Variants in SUCLG2 observed in about 807,000 individuals in gnomAD.
The protein encoded by SUCLG2 is succinate--CoA ligase [GDP-forming] subunit beta, mitochondrial.
SUCLG2 carries 42 observed loss-of-function variants against 47.9 expected under a neutral mutation model. The observed-to-expected ratio is 0.88, with a 90% CI of 0.69 to 1.14. The LOEUF is 1.14. SUCLG2 is among the 50% of genes most tolerant of loss of function. The probability of loss-of-function intolerance (pLI) is 0.00; values close to 1 mark genes in which losing one functional copy is unlikely to be tolerated. For missense variants in SUCLG2, 571 were observed against 525.9 expected (o/e 1.09, Z -0.84); for synonymous variants, 195 against 197.3 (o/e 0.99, Z 0.10).
At chr3:67,562,891 G>GT (rs1386890528) in intron 2 of SUCLG2, among the ~76,000 whole-genome samples, 1 of 151,866 alleles carries the variant, frequency 6.6e-6, no homozygotes, top group Non-Finnish European at 1.5e-5. Flanking sequence ...AGTGAACTGT[G>GT]TATGTATGTA....
rs1414404360 is a variant in SUCLG2, at chr3:67,498,377, G to T, written c.758-82C>A. ...GTTCTTCAGGCTGGTAGGCACAAGC[G>T]AAGGGAAAGTTAAGTACTGTCATTT... On this transcript the variant is annotated intron_variant, in intron 7 of 10. Transcript: ENST00000307227. The T allele has an allele frequency of 2.8e-6, 4 of 1,453,288 alleles. No individual in the cohort carries two copies. The Admixed American group carries it at 7.8e-5, about 28-fold the overall frequency. 90.0% of individuals were successfully genotyped at this position (1,453,288 alleles called of 1,614,324 possible). A position where few individuals can be genotyped will look rare whatever the true frequency, so the allele number is the denominator to read the frequency against.
intron 9 of SUCLG2, among the ~76,000 whole-genome samples, chr3:67,404,360 G>A (rs1371806632): frequency 6.6e-6 from 1 of 152,024 alleles, no homozygotes; most frequent in Non-Finnish European, 1.5e-5. Flanking sequence ...GAGAGAATGA[G>A]TGAACAAGAA....
chr3:67,638,133 C>T (rs1188774158), intron 1 of SUCLG2, among the ~76,000 whole-genome samples: 1 of 152,170 alleles, frequency 6.6e-6, no homozygotes, highest in African/African-American at 2.4e-5. Flanking sequence ...CAAATTCAGA[C>T]TCTATTATTT....
At chr3:67,635,752 C>T (rs1700999534) in intron 1 of SUCLG2, among the ~76,000 whole-genome samples, 1 of 152,134 alleles carries the variant, frequency 6.6e-6, no homozygotes, top group Non-Finnish European at 1.5e-5. Context: ...GCCACCATTG[C>T]ACCCTGTCAT....
chr3:67,532,211 C>T (rs1706422901), intron 2 of SUCLG2, among the ~76,000 whole-genome samples: 1 of 152,220 alleles, frequency 6.6e-6, no homozygotes, highest in African/African-American at 2.4e-5. Flanking sequence ...TCTTGGCCCA[C>T]TGCAACCTCT....
At chr3:67,534,145 G>A (rs1411976022) in intron 2 of SUCLG2, among the ~76,000 whole-genome samples, 1 of 152,082 alleles carries the variant, frequency 6.6e-6, no homozygotes, top group Non-Finnish European at 1.5e-5. Context: ...AAGTTATCCA[G>A]GGAGATATTA....
At chr3:67,547,073 A>G (rs149207743) in intron 2 of SUCLG2, among the ~76,000 whole-genome samples, 1 of 152,162 alleles carries the variant, frequency 6.6e-6, no homozygotes, top group Non-Finnish European at 1.5e-5. Flanking sequence ...CCCAAAATTC[A>G]TAAGTTGATA....
chr3:67,437,476 G>A (rs1373009672), intron 9 of SUCLG2, among the ~76,000 whole-genome samples: 2 of 152,154 alleles, frequency 1.3e-5, no homozygotes, highest in African/African-American at 2.4e-5. Flanking sequence ...GTCTTTGTGT[G>A]TCAGGATACA....
chr3:67,443,956 A>T (rs1336344442), intron 9 of SUCLG2, among the ~76,000 whole-genome samples: 1 of 100,198 alleles, frequency 1.0e-5, no homozygotes, highest in African/African-American at 3.5e-5. Context: ...TCCGGGAGGG[A>T]GGTGGGGGGG....
chr3:67,566,615 T>A (rs771960688), intron 2 of SUCLG2, among the ~76,000 whole-genome samples: 3 of 152,204 alleles, frequency 2.0e-5, no homozygotes, highest in Non-Finnish European at 4.4e-5. Context: ...TAACCGGCTT[T>A]ATGGTGGATT....
At chr3:67,551,030 G>A (rs1024933063) in intron 2 of SUCLG2, among the ~76,000 whole-genome samples, 2 of 152,162 alleles carry the variant, frequency 1.3e-5, no homozygotes, top group African/African-American at 4.8e-5. Context: ...TGCCTATTGG[G>A]CAAAATAATT....
At chr3:67,607,879 G>C (rs1700452136) in intron 2 of SUCLG2, among the ~76,000 whole-genome samples, 1 of 152,088 alleles carries the variant, frequency 6.6e-6, no homozygotes, top group African/African-American at 2.4e-5. Context: ...CTCTTCCTTT[G>C]TCTTCCACTA....
intron 9 of SUCLG2, among the ~76,000 whole-genome samples, chr3:67,473,066 CT>C (rs750866934): frequency 1.4e-4 from 22 of 152,102 alleles, no homozygotes; most frequent in Middle Eastern, 6.8e-3. Context: ...ATGATCTAGA[CT>C]TTAATTTTTA....
intron 9 of SUCLG2, among the ~76,000 whole-genome samples, chr3:67,465,237 G>A (rs1005291485): frequency 1.3e-5 from 2 of 152,102 alleles, no homozygotes; most frequent in Non-Finnish European, 2.9e-5. Context: ...GCCTTTCAGA[G>A]GCTTACAATT....
intron 2 of SUCLG2, among the ~76,000 whole-genome samples, chr3:67,597,800 C>T (rs1243184438): frequency 6.6e-6 from 1 of 151,454 alleles, no homozygotes; most frequent in African/African-American, 2.4e-5. Context: ...TAGCCAGGCA[C>T]GGTGGCGGGT....
At position 67,515,353 on chromosome 3, in the gene SUCLG2, A is replaced by T. The variant is rs142981280; in HGVS notation, c.660+2894T>A. 2.0e-5 allele frequency among the ~76,000 whole-genome samples: 3 copies of T among 152,346 alleles called. No homozygotes were observed. The East Asian group carries it at 5.8e-4, about 29-fold the overall frequency. ...ACGTATCCTCCACAGATAAGGGGGAACTACTATATTAAGCTTTCCTATGTC... is the reference window on the plus strand; with the variant it reads ...ACGTATCCTCCACAGATAAGGGGGATCTACTATATTAAGCTTTCCTATGTC... On this transcript the variant is annotated intron_variant, in intron 6 of 10. Coordinates refer to ENST00000307227, the MANE Select transcript of SUCLG2 (RefSeq NM_003848.4).
intron 9 of SUCLG2, among the ~76,000 whole-genome samples, chr3:67,422,257 A>G (rs1056679740): frequency 4.6e-5 from 7 of 151,726 alleles, no homozygotes; most frequent in Non-Finnish European, 8.8e-5. Flanking sequence ...GCGGATCACA[A>G]GGTCAAGAGA....
At chr3:67,402,897 A>C (rs1702719760) in intron 9 of SUCLG2, among the ~76,000 whole-genome samples, 1 of 152,210 alleles carries the variant, frequency 6.6e-6, no homozygotes, top group South Asian at 2.1e-4. Flanking sequence ...TTACATCATA[A>C]TCTTATGTGA....
chr3:67,607,586 A>T (rs1427027884), intron 2 of SUCLG2, among the ~76,000 whole-genome samples: 1 of 152,112 alleles, frequency 6.6e-6, no homozygotes, highest in East Asian at 1.9e-4. Context: ...GCAGGACCTG[A>T]TCCCTAATAT....
Sources: gnomAD v4.1 joint callset for allele counts (sites outside exome capture counted in the v4.1 genomes callset) on GRCh38, gnomAD v4.1.1 for gene constraint, MANE v1.5 for transcripts, NCBI Gene and HGNC (gene_info 2026-07-23, HGNC 2026-07-21) for gene names.